The following SEMA4F variants were observed in gnomAD, a reference collection of about 807,000 sequenced individuals.
SEMA4F encodes semaphorin-4F.
Under a neutral mutation model 78.4 loss-of-function variants are expected in SEMA4F, and 51 were observed. That is an observed-to-expected ratio of 0.65 (90% confidence interval 0.52 to 0.82). The LOEUF is 0.82. Among genes scored for constraint, SEMA4F ranks in the 40% least tolerant of loss-of-function variants. The pLI, the probability that SEMA4F is intolerant of heterozygous loss-of-function variation, is 0.00. For synonymous variants in SEMA4F, 418 were observed against 408.7 expected (o/e 1.02, Z -0.27); for missense variants, 938 against 1,014.4 (o/e 0.92, Z 1.02).
At chr2:74,689,343 G>T in the SEMA4F span, among the ~76,000 whole-genome samples, 3 of 152,112 alleles carry the variant, frequency 2.0e-5, no homozygotes, top group African/African-American at 7.2e-5. Flanking sequence ...AAAAAAGGTT[G>T]GTGACCTTGT....
intron 5 of SEMA4F, among the ~76,000 whole-genome samples, chr2:74,670,843 C>G (rs1186348432): frequency 6.6e-6 from 1 of 152,180 alleles, no homozygotes; most frequent in African/African-American, 2.4e-5. Context: ...GTTTTTCTTT[C>G]CTGAAATTTT....
At chr2:74,701,214 AG>A in the SEMA4F span, among the ~76,000 whole-genome samples, 1 of 152,034 alleles carries the variant, frequency 6.6e-6, no homozygotes, top group Non-Finnish European at 1.5e-5. Flanking sequence ...CATCCTATTG[AG>A]GTGATCACTG....
intron 13 of SEMA4F, 45 bp downstream of exon 13, chr2:74,679,379 T>C: frequency 6.5e-7 from 1 of 1,532,852 alleles, no homozygotes; most frequent in Non-Finnish European, 9.0e-7. Context: ...GTGGAGTGGA[T>C]GGAAAGGGGC....
chr2:74,656,413 C>T, intron 1 of SEMA4F, 121 bp from the exon 2 acceptor site: 1 of 898,808 alleles, frequency 1.1e-6, no homozygotes, highest in Admixed American at 2.2e-5. Flanking sequence ...GTGTTTCTCC[C>T]CCATGGCTGC....
At chr2:74,685,068 T>G (rs1232932737), downstream of SEMA4F, among the ~76,000 whole-genome samples, 1 of 152,226 alleles carries the variant, frequency 6.6e-6, no homozygotes, top group Non-Finnish European at 1.5e-5. Flanking sequence ...GGGAAACATA[T>G]ACTAAATCTT....
chr2:74,670,039 CT>C (rs955076173), intron 5 of SEMA4F, among the ~76,000 whole-genome samples: 5 of 152,228 alleles, frequency 3.3e-5, no homozygotes, highest in Middle Eastern at 3.4e-3. Flanking sequence ...TTCTAACCTG[CT>C]TGTTGAGCAA....
Position 74,675,521 on chromosome 2 carries a change from C to G in SEMA4F, c.1373-4C>G, listed in dbSNP as rs773108632. 5.6e-6 allele frequency: 9 copies of G among 1,613,182 alleles called. No individual in the cohort carries two copies. The highest frequency in any genetic ancestry group is 4.2e-6 in the Non-Finnish European group (5 of 1,179,128). ...ATTATTCTTGTTCCTTTCCTGTCCCCTAGAGGATGGACACCTCCACCGAGC... is the reference window on the plus strand; with the variant it reads ...ATTATTCTTGTTCCTTTCCTGTCCCGTAGAGGATGGACACCTCCACCGAGC... On this transcript the variant is annotated splice_polypyrimidine_tract_variant and splice_region_variant and intron_variant, in intron 10 of 13. Coordinates refer to ENST00000357877, the MANE Select transcript of SEMA4F (RefSeq NM_004263.5).
Position 74,675,186 on chromosome 2 carries a change from CGG to C in SEMA4F, c.1175_1176del (p.Arg392ProfsTer10). On this transcript the variant is annotated frameshift_variant, in exon 10 of 14. Transcript: ENST00000357877. LOFTEE classifies it high-confidence loss of function. Reference sequence around the variant, plus strand: ...GTGCATCACCAACAACATGAAGCTCCGGCACTTTGGCTCATCTCTCTCCCTGC... The same window carrying C: ...GTGCATCACCAACAACATGAAGCTCCCACTTTGGCTCATCTCTCTCCCTGC... ...GECITNNMKL[R>X]HFGSSLSLPD... is the part of the protein sequence containing the mutation. The C allele has an allele frequency of 6.2e-7, 1 of 1,614,138 alleles. No homozygotes were observed. The highest frequency in any genetic ancestry group is 8.5e-7 in the Non-Finnish European group (1 of 1,180,022).
chr2:74,702,149 T>A, the SEMA4F span, among the ~76,000 whole-genome samples: 2 of 152,160 alleles, frequency 1.3e-5, no homozygotes, highest in African/African-American at 4.8e-5. Flanking sequence ...CCCTGAGGCA[T>A]TTGCTTTTAA....
intron 5 of SEMA4F, among the ~76,000 whole-genome samples, chr2:74,671,403 C>G (rs35594103): frequency 6.6e-6 from 1 of 152,174 alleles, no homozygotes; most frequent in Non-Finnish European, 1.5e-5. Flanking sequence ...AAGTGGCCCC[C>G]CACTCTCTGC....
the SEMA4F span, among the ~76,000 whole-genome samples, chr2:74,691,446 G>C: frequency 2.7e-4 from 41 of 152,338 alleles, no homozygotes; most frequent in South Asian, 6.2e-4. Flanking sequence ...ACTCATGTTT[G>C]CATGTGTGTG....
rs919706899 is a variant in SEMA4F, at chr2:74,683,386, G to A, written c.*3177G>A. ...AGACACACTTAAGTGTGTTTGATAC[G>A]TAAGCTCCAATTCCTTCCTCCATAA... On this transcript the variant is annotated 3_prime_UTR_variant, in exon 14 of 14. Transcript: ENST00000357877. 1 of 152,240 alleles carries A rather than the reference G, an allele frequency of 6.6e-6. No homozygotes were observed. Among genetic ancestry groups the A allele is most frequent in the African/African-American group, 2.4e-5 (1 of 41,450 alleles). The allele number at this position is 152,240 out of a possible 1,614,324, so 9.4% of individuals were successfully genotyped here.
chr2:74,698,969 A>AT, the SEMA4F span, among the ~76,000 whole-genome samples: 57 of 150,452 alleles, frequency 3.8e-4, 1 homozygote, highest in South Asian at 9.5e-3. Context: ...GTTTGAGGGA[A>AT]TTTTTTTTTT....
Position 74,673,701 on chromosome 2 carries a change from C to T in SEMA4F, c.695C>T (p.Ala232Val), listed in dbSNP as rs745337324. The change falls in exon 7 of 14, where the codon GCC (alanine) becomes GTC (valine). Residue 232 changes from alanine to valine, a missense_variant. Transcript: ENST00000357877. ...GCCCCAGCCTTTGTCGCAGCCGTGG[C>T]CTTGAGCCCAGCCGAATGGGGGGAT... ...LNAPAFVAAV[A>V]LSPAEWGDED... 6.2e-7 allele frequency: 1 copy of T among 1,614,042 alleles called. No homozygotes were observed. The highest frequency in any genetic ancestry group is 8.5e-7 in the Non-Finnish European group (1 of 1,179,960).
intron 12 of SEMA4F, 66 bp downstream of exon 12, chr2:74,675,975 T>C (rs1449895587): frequency 2.6e-6 from 4 of 1,516,666 alleles, no homozygotes; most frequent in African/African-American, 2.8e-5. Context: ...TATGTCTACG[T>C]TTCTCATCTG....
the SEMA4F span, among the ~76,000 whole-genome samples, chr2:74,705,774 C>T: frequency 7.1e-6 from 1 of 139,892 alleles, no homozygotes; most frequent in South Asian, 2.2e-4. Flanking sequence ...TATTATTGTC[C>T]AGGCTGGTCT....
At chr2:74,692,692 A>G in the SEMA4F span, among the ~76,000 whole-genome samples, 1 of 152,238 alleles carries the variant, frequency 6.6e-6, no homozygotes, top group African/African-American at 2.4e-5. Context: ...CACCTGGGAA[A>G]TCAAACCCAG....
At chr2:74,672,343 T>C (rs1478249604) in intron 5 of SEMA4F, among the ~76,000 whole-genome samples, 1 of 152,212 alleles carries the variant, frequency 6.6e-6, no homozygotes, top group Non-Finnish European at 1.5e-5. Context: ...TGAGATACTG[T>C]TCCCTCAGGT....
At chr2:74,655,347 AAGTGATC>A (rs1353166284) in intron 1 of SEMA4F, 1 of 363,614 alleles carries the variant, frequency 2.8e-6, no homozygotes, top group African/African-American at 2.1e-5. Flanking sequence ...ACAAGGTTAA[AAGTGATC>A]ATTGGGGCGA....
Sources: allele counts gnomAD v4.1 joint callset (sites outside exome capture counted in the v4.1 genomes callset), GRCh38; gene constraint gnomAD v4.1.1; transcripts MANE v1.5; gene names NCBI Gene and HGNC (gene_info 2026-07-23, HGNC 2026-07-21).